MYT1L: variants seen among roughly 807,000 people sequenced by gnomAD.
MYT1L encodes the protein myelin transcription factor 1 like, also known as myelin transcription factor 1-like protein.
Under a neutral mutation model 126.7 loss-of-function variants are expected in MYT1L, and 12 were observed. The observed-to-expected ratio is 0.09, with a 90% CI of 0.06 to 0.15. The LOEUF is 0.15. Ranked by LOEUF, MYT1L falls within the 10% of genes least tolerant of loss-of-function variation. The pLI, the probability that MYT1L is intolerant of heterozygous loss-of-function variation, is 1.00. For synonymous variants in MYT1L, 541 were observed against 604.2 expected, an observed-to-expected ratio of 0.90 and a Z score of 1.53; for missense variants, 979 against 1,585.2, an observed-to-expected ratio of 0.62 and a Z score of 6.49.
At chr2:2,330,410 A>G (rs1028380745) in intron 1 of MYT1L, among the ~76,000 whole-genome samples, 1 of 152,124 alleles carries the variant, frequency 6.6e-6, no homozygotes. Context: ...CTTTTAGTTT[A>G]TTAATTTAGG....
chr2:2,118,840 C>T (rs73173990), intron 3 of MYT1L, among the ~76,000 whole-genome samples: 14,478 of 152,240 alleles, frequency 0.095, 887 homozygotes, highest in African/African-American at 0.17. Context: ...TCTACTTTCT[C>T]AACAATAGTT....
At chr2:1,901,806 T>C (rs1469290175) in intron 14 of MYT1L, among the ~76,000 whole-genome samples, 1 of 152,204 alleles carries the variant, frequency 6.6e-6, no homozygotes, top group Non-Finnish European at 1.5e-5. Flanking sequence ...ATTATAGGCA[T>C]GAGCCACCAT....
chr2:1,869,796 G>C (rs1353206037), intron 18 of MYT1L, among the ~76,000 whole-genome samples: 4 of 152,150 alleles, frequency 2.6e-5, no homozygotes, highest in Non-Finnish European at 5.9e-5. Context: ...AGAAAACCAA[G>C]TACTAAGTTC....
intron 10 of MYT1L, among the ~76,000 whole-genome samples, chr2:1,921,053 C>A (rs956270030): frequency 6.6e-6 from 1 of 152,238 alleles, no homozygotes; most frequent in Non-Finnish European, 1.5e-5. Context: ...GGAGAATACA[C>A]GTCTGTGCCA....
intron 3 of MYT1L, among the ~76,000 whole-genome samples, chr2:2,108,863 T>G (rs2079053639): frequency 6.6e-6 from 1 of 152,226 alleles, no homozygotes; most frequent in Non-Finnish European, 1.5e-5. Flanking sequence ...CTCCTGCAGT[T>G]TTGGTGATGT....
At chr2:2,086,887 G>A (rs1167145157) in intron 3 of MYT1L, among the ~76,000 whole-genome samples, 1 of 152,116 alleles carries the variant, frequency 6.6e-6, no homozygotes, top group African/African-American at 2.4e-5. Flanking sequence ...ACAGCTCCGG[G>A]GATGCCTGCC....
chr2:2,262,790 C>G (rs2095009469), intron 2 of MYT1L, among the ~76,000 whole-genome samples: 1 of 150,584 alleles, frequency 6.6e-6, no homozygotes, highest in Non-Finnish European at 1.5e-5. Context: ...GTCCAAATGA[C>G]TTCTGTCCAA....
chr2:2,085,928 G>T (rs1458077522), intron 3 of MYT1L, among the ~76,000 whole-genome samples: 1 of 152,142 alleles, frequency 6.6e-6, no homozygotes, highest in East Asian at 1.9e-4. Context: ...TTTTCTCCCA[G>T]CCCCTCCATA....
intron 5 of MYT1L, among the ~76,000 whole-genome samples, chr2:1,986,848 G>T (rs900113505): frequency 6.6e-6 from 1 of 152,166 alleles, no homozygotes; most frequent in African/African-American, 2.4e-5. Flanking sequence ...ATGAGCTGGA[G>T]CCTCTTTCAG....
chr2:2,183,924 G>C (rs546514938), intron 2 of MYT1L, among the ~76,000 whole-genome samples: 2 of 131,984 alleles, frequency 1.5e-5, no homozygotes, highest in African/African-American at 3.0e-5. Context: ...AGGAGAGAGA[G>C]GAAGGAAGAA....
chr2:2,087,719 C>T (rs1217208256), intron 3 of MYT1L, among the ~76,000 whole-genome samples: 2 of 152,214 alleles, frequency 1.3e-5, no homozygotes, highest in South Asian at 4.1e-4. Flanking sequence ...CCAAACACGA[C>T]TCATTGACAA....
chr2:1,848,481 A>G lies in MYT1L; in HGVS notation c.2774+3160T>C, dbSNP rs559828990. On this transcript the variant is annotated intron_variant, in intron 19 of 24. Transcript: ENST00000647738. This position sits in a 1 kb window ranked among gnomAD's most constrained non-coding sequence, Gnocchi z 4.8. ...CAACAGCCCACAGTACAGGAGGAGG[A>G]TGCCTTGAACCCACACAACTACCTT... is the stretch of plus-strand genomic sequence containing the variant. Among the ~76,000 whole-genome samples, 2 of 152,094 alleles carry G rather than the reference A, an allele frequency of 1.3e-5. No individual in the cohort carries two copies. Among genetic ancestry groups the G allele is most frequent in the South Asian group, 4.2e-4 (2 of 4,816 alleles).
In MYT1L at chr2:1,794,101, C is replaced by A. The variant is rs916251285; in HGVS notation, c.3277-1637G>T. Among the ~76,000 whole-genome samples the A allele has an allele frequency of 5.5e-5, 8 of 146,292 alleles. 1 individual carries two copies. Among genetic ancestry groups the A allele is most frequent in the Admixed American group, 5.3e-4 (8 of 14,994 alleles). Reference sequence around the variant, plus strand: ...GTCCCGAGGTTTTTAAAAAGGTACACGCAGGGGGAAGGCCAGCAGCAGGAT... The same window carrying A: ...GTCCCGAGGTTTTTAAAAAGGTACAAGCAGGGGGAAGGCCAGCAGCAGGAT... On this transcript the variant is annotated intron_variant, in intron 23 of 24. Coordinates refer to ENST00000647738, the MANE Select transcript of MYT1L (RefSeq NM_001303052.2).
intron 9 of MYT1L, among the ~76,000 whole-genome samples, chr2:1,935,172 T>G (rs1316854836): frequency 6.6e-6 from 1 of 152,252 alleles, no homozygotes; most frequent in Non-Finnish European, 1.5e-5. Flanking sequence ...CCTCAGTTTA[T>G]GACTTCTAAT....
chr2:2,139,601 T>G (rs1483624781), intron 3 of MYT1L, among the ~76,000 whole-genome samples: 2 of 151,816 alleles, frequency 1.3e-5, no homozygotes, highest in Non-Finnish European at 2.9e-5. Context: ...ATTGCACCAT[T>G]GCACTCCAGC....
At chr2:2,177,735 C>G (rs187171831) in intron 2 of MYT1L, among the ~76,000 whole-genome samples, 1 of 152,286 alleles carries the variant, frequency 6.6e-6, no homozygotes, top group African/African-American at 2.4e-5. Flanking sequence ...AGAACTCACT[C>G]ACTATCATGA....
intron 8 of MYT1L, among the ~76,000 whole-genome samples, chr2:1,949,740 G>A (rs1349371201): frequency 6.6e-6 from 1 of 152,188 alleles, no homozygotes; most frequent in Non-Finnish European, 1.5e-5. Context: ...AGAGAGGAAC[G>A]AGGTGAGGGT....
At chr2:2,008,678 T>C (rs749584942) in intron 4 of MYT1L, among the ~76,000 whole-genome samples, 1 of 152,208 alleles carries the variant, frequency 6.6e-6, no homozygotes, top group Non-Finnish European at 1.5e-5. Context: ...AGAAGCTTTA[T>C]GGTTTTGTGT....
intron 8 of MYT1L, among the ~76,000 whole-genome samples, chr2:1,977,271 G>T (rs2149479732): frequency 6.6e-6 from 1 of 152,276 alleles, no homozygotes; most frequent in Non-Finnish European, 1.5e-5. Context: ...GGAAGAAAAA[G>T]CCCAACTTGT....
Sources: allele counts gnomAD v4.1 joint callset (sites outside exome capture counted in the v4.1 genomes callset), GRCh38; gene constraint gnomAD v4.1.1; non-coding constraint Gnocchi (gnomAD v3.1); transcripts MANE v1.5; gene names NCBI Gene and HGNC (gene_info 2026-07-23, HGNC 2026-07-21).